LTA4H: variants seen among roughly 807,000 people sequenced by gnomAD.
The protein encoded by LTA4H is leukotriene A4 hydrolase.
A neutral mutation model predicts 89.8 loss-of-function variants in LTA4H; 59 were observed. That is an observed-to-expected ratio of 0.66 (90% CI 0.53 to 0.82). The LOEUF (loss-of-function observed/expected upper bound fraction) is 0.82. LTA4H is among the 40% of genes least tolerant of loss of function. The pLI, the probability that LTA4H is intolerant of heterozygous loss-of-function variation, is 0.00. For missense variants in LTA4H, 617 were observed against 727.0 expected (o/e 0.85, Z 1.74); for synonymous variants, 227 against 253.1 (o/e 0.90, Z 0.98).
upstream of LTA4H, among the ~76,000 whole-genome samples, chr12:96,036,089 G>A (rs891155500): frequency 6.6e-6 from 1 of 151,502 alleles, no homozygotes; most frequent in Non-Finnish European, 1.5e-5. Flanking sequence ...TCCCCGACGG[G>A]GAGGCACAGT....
chr12:96,022,640 TC>T lies in LTA4H; in HGVS notation c.481-390del, dbSNP rs1950467407. ...AGTTTTGGTAGAAACTGGATTAAAA[TC>T]CCAGCTCTGCCACCTAATAACTAAC... On this transcript the variant is annotated intron_variant, in intron 4 of 18. Transcript: ENST00000228740. The surrounding 1 kb of genome is among the most constrained non-coding windows in gnomAD (Gnocchi z 4.0). Among the ~76,000 whole-genome samples the T allele has an allele frequency of 1.3e-5, 2 of 152,124 alleles. No individual in the cohort carries two copies. Among genetic ancestry groups the T allele is most frequent in the Non-Finnish European group, 2.9e-5 (2 of 68,018 alleles).
At chr12:96,021,269 C>T (rs970420263) in intron 5 of LTA4H, 132 bp from the exon 6 acceptor site, 2 of 583,296 alleles carry the variant, frequency 3.4e-6, no homozygotes, top group Non-Finnish European at 5.7e-6. Flanking sequence ...GATAACTTTG[C>T]TTTTATACTT....
intron 14 of LTA4H, chr12:96,011,244 C>T (rs974681925): frequency 2.6e-5 from 4 of 152,204 alleles, no homozygotes; most frequent in African/African-American, 9.7e-5. Flanking sequence ...TGTCTTTTGG[C>T]TATATCAGGC....
At chr12:96,002,561 C>T (rs12322336) in intron 18 of LTA4H, among the ~76,000 whole-genome samples, 5,107 of 152,058 alleles carry the variant, frequency 0.034, 290 homozygotes, top group African/African-American at 0.11. Context: ...TACCCTTGAC[C>T]TCTATGCAAC....
intron 3 of LTA4H, among the ~76,000 whole-genome samples, chr12:96,026,285 T>G (rs1243427989): frequency 2.0e-5 from 3 of 152,232 alleles, no homozygotes; most frequent in African/African-American, 7.2e-5. Flanking sequence ...AGAACAACCG[T>G]AAGCAAATTC....
At chr12:96,028,410 C>T (rs1950535773) in intron 2 of LTA4H, among the ~76,000 whole-genome samples, 1 of 152,202 alleles carries the variant, frequency 6.6e-6, no homozygotes, top group African/African-American at 2.4e-5. Context: ...ACACTGGCCT[C>T]TGAACAACTG....
In LTA4H at chr12:96,029,751, T is replaced by G. The variant is rs147402153; in HGVS notation, c.160-566A>C. Among the ~76,000 whole-genome samples, 23 of 152,300 alleles carry G rather than the reference T, an allele frequency of 1.5e-4. No homozygotes were observed. The East Asian group carries it at 4.3e-3, about 28-fold the overall frequency. On this transcript the variant is annotated intron_variant, in intron 1 of 18. Coordinates refer to ENST00000228740, the MANE Select transcript of LTA4H (RefSeq NM_000895.3). The stretch of plus-strand genomic sequence containing the variant: ...CAATTAAGGACAACTGCTTTGGGCA[T>G]GAAGGAGTGACATCAAGTGTCAGAG...
exon 1 of LTA4H, chr12:96,043,449 C>G: frequency 4.4e-6 from 4 of 915,568 alleles, no homozygotes; most frequent in Non-Finnish European, 6.8e-6. Flanking sequence ...CTCTTGCCCT[C>G]TTCCCTTGTT....
At chr12:96,003,116 G>C (rs955841436) in intron 17 of LTA4H, 52 bp from the exon 18 acceptor site, 2 of 1,121,896 alleles carry the variant, frequency 1.8e-6, no homozygotes, top group South Asian at 2.6e-5. Flanking sequence ...GAAGGGGCAG[G>C]ATATGACAGG....
At position 96,034,704 on chromosome 12, in the gene LTA4H, G is replaced by C. The variant is rs1018509359; in HGVS notation, c.159+657C>G. 3.9e-5 allele frequency among the ~76,000 whole-genome samples: 6 copies of C among 152,234 alleles called. No individual in the cohort carries two copies. In the East Asian group the frequency reaches 1.2e-3, roughly 29 times the overall value. ...GCGGAAAGAAGAGGCCTGCCCGGCC[G>C]GGGCTGGAAATCCTAAGAGGCTTGA... On this transcript the variant is annotated intron_variant, in intron 1 of 18. Transcript: ENST00000228740.
intron 14 of LTA4H, chr12:96,010,232 A>G (rs1002478710): frequency 5.9e-5 from 9 of 152,246 alleles, no homozygotes; most frequent in African/African-American, 2.2e-4. Context: ...GTACTAAGTT[A>G]AGAATTAGCC....
intron 3 of LTA4H, among the ~76,000 whole-genome samples, chr12:96,026,896 T>TA (rs1005674548): frequency 1.3e-5 from 2 of 152,210 alleles, no homozygotes; most frequent in African/African-American, 2.4e-5. Flanking sequence ...CCCTTAGTTT[T>TA]AAAACAGAAA....
intron 18 of LTA4H, among the ~76,000 whole-genome samples, chr12:96,002,573 T>A (rs891341563): frequency 1.3e-5 from 2 of 151,776 alleles, no homozygotes. Flanking sequence ...CTATGCAACA[T>A]TTGAACACAA....
chr12:96,030,814 C>A (rs1292312425), intron 1 of LTA4H, among the ~76,000 whole-genome samples: 3 of 152,092 alleles, frequency 2.0e-5, no homozygotes, highest in African/African-American at 7.2e-5. Context: ...CATTTGTTAT[C>A]CTTACTCTAA....
chr12:96,022,237 T>G lies in LTA4H; in HGVS notation c.495A>C (p.Lys165Asn). 6.2e-7 allele frequency: 1 copy of G among 1,610,984 alleles called. No individual in the cohort carries two copies. Among genetic ancestry groups the G allele is most frequent in the Non-Finnish European group, 8.5e-7 (1 of 1,177,270 alleles). Residue 165 changes from lysine to asparagine, a missense_variant, in exon 5 of 19, where the codon AAA becomes AAC. Around this residue, in one of 3 missense-constraint regions of LTA4H, gnomAD observed 172 missense variants for 244.5 expected, o/e 0.70. Transcript: ENST00000228740. The surrounding 1 kb of genome is among the most constrained non-coding windows in gnomAD (Gnocchi z 4.0). The stretch of plus-strand genomic sequence containing the variant: ...TAGCACTCATAAGTGCCACCAGTTC[T>G]TTAGGGACAGACACCTAATCAAGGA... ...LTYTAEVSVPKELVALMSAIR... is the reference protein window; with the variant it reads ...LTYTAEVSVPNELVALMSAIR...
At chr12:96,032,728 C>T (rs1249236696) in intron 1 of LTA4H, among the ~76,000 whole-genome samples, 1 of 152,152 alleles carries the variant, frequency 6.6e-6, no homozygotes, top group African/African-American at 2.4e-5. Flanking sequence ...CTCTAATTTG[C>T]TAAACAGACA....
intron 15 of LTA4H, among the ~76,000 whole-genome samples, chr12:96,008,366 T>A (rs143223596): frequency 9.2e-5 from 14 of 152,288 alleles, no homozygotes; most frequent in African/African-American, 3.1e-4. Flanking sequence ...TTTAAGAAGC[T>A]TCATAGAAAG....
chr12:96,036,099 T>A (rs560776584), upstream of LTA4H, among the ~76,000 whole-genome samples: 1 of 149,874 alleles, frequency 6.7e-6, no homozygotes, highest in Non-Finnish European at 1.5e-5. Context: ...GGAGGCACAG[T>A]AATTGTTTTT....
At position 96,024,521 on chromosome 12, in the gene LTA4H, A is replaced by G; in HGVS notation, c.438T>C (p.Pro146=). 1 of 1,612,254 alleles carries G rather than the reference A, an allele frequency of 6.2e-7. No individual in the cohort carries two copies. Among genetic ancestry groups the G allele is most frequent in the Non-Finnish European group, 8.5e-7 (1 of 1,178,442 alleles). Residue 146 remains proline, a synonymous_variant, in exon 4 of 19, where the codon CCT becomes CCC. Coordinates refer to ENST00000228740, the MANE Select transcript of LTA4H (RefSeq NM_000895.3). ...CQAIHCRAIL[P]CQDTPSVKLT... is the part of the protein sequence containing the mutation. ...ATTTCACAGAAGGAGTGTCCTGACA[A>G]GGAAGGATTGCTCTGCAGTGGATGG...
Sources: gnomAD v4.1 joint callset for allele counts (sites outside exome capture counted in the v4.1 genomes callset) on GRCh38, gnomAD v4.1.1 for gene constraint, gnomAD v4.1.1 regional missense constraint, Gnocchi (gnomAD v3.1) non-coding constraint, MANE v1.5 for transcripts, NCBI Gene and HGNC (gene_info 2026-07-23, HGNC 2026-07-21) for gene names.